Variants in SPRY3 observed in about 807,000 individuals in gnomAD.
SPRY3 encodes the protein sprouty RTK signaling antagonist 3.
SPRY3 carries 15 observed loss-of-function variants against 20.2 expected under a neutral mutation model. The observed-to-expected ratio is 0.74, with a 90% confidence interval of 0.50 to 1.14. The LOEUF is 1.14. Among genes scored for constraint, SPRY3 ranks in the 50% most tolerant of loss-of-function variants. The probability of loss-of-function intolerance (pLI) is 0.00; values close to 1 mark genes in which losing one functional copy is unlikely to be tolerated. For synonymous variants in SPRY3, 143 were observed against 136.5 expected, an observed-to-expected ratio of 1.05 and a Z score of -0.33; for missense variants, 364 against 363.9, an observed-to-expected ratio of 1.00 and a Z score of 0.00.
chrX:155,703,981 A>G (rs2090929804), intron 2 of SPRY3, among the ~76,000 whole-genome samples: 1 of 151,906 alleles, frequency 6.6e-6, no homozygotes, highest in Non-Finnish European at 1.5e-5. Context: ...CCTAACTACT[A>G]ACTGTAATAA....
At chrX:155,619,278 A>AAAGGCT (rs1486054896) in intron 1 of SPRY3, among the ~76,000 whole-genome samples, 1 of 109,431 alleles carries the variant, frequency 9.1e-6, no homozygotes, top group African/African-American at 3.4e-5. Flanking sequence ...CTATTGCTTG[A>AAAGGCT]AAGGCTATCC....
intron 2 of SPRY3, among the ~76,000 whole-genome samples, chrX:155,722,333 C>T (rs2091064949): frequency 6.6e-6 from 1 of 152,026 alleles, no homozygotes; most frequent in Admixed American, 6.5e-5. Context: ...ACCAGCCTGG[C>T]CACAGGGTGA....
chrX:155,645,382 A>G (rs962302296), intron 1 of SPRY3, among the ~76,000 whole-genome samples: 5 of 111,675 alleles, frequency 4.5e-5, no homozygotes, highest in Admixed American at 1.9e-4. Flanking sequence ...ACTAGGAGTC[A>G]CCTAGGAGTT....
chrX:155,745,778 A>T (rs2091222624), intron 2 of SPRY3, among the ~76,000 whole-genome samples: 2 of 152,060 alleles, frequency 1.3e-5, no homozygotes, highest in South Asian at 4.1e-4. Flanking sequence ...TAAGCACCGA[A>T]TATACATTAG....
intron 2 of SPRY3, among the ~76,000 whole-genome samples, chrX:155,684,520 T>C (rs2068082346): frequency 8.9e-6 from 1 of 112,106 alleles, no homozygotes. Context: ...TACCACCATA[T>C]AGATTCCTTT....
At chrX:155,696,701 A>G (rs1298149555) in intron 2 of SPRY3, among the ~76,000 whole-genome samples, 1 of 111,327 alleles carries the variant, frequency 9.0e-6, no homozygotes, top group Non-Finnish European at 1.9e-5. Context: ...CACCACTAAC[A>G]AAACCAGAAC....
At chrX:155,672,630 G>C (rs1406268449) in intron 2 of SPRY3, among the ~76,000 whole-genome samples, 1 of 108,861 alleles carries the variant, frequency 9.2e-6, no homozygotes, top group Admixed American at 9.6e-5. Flanking sequence ...CTGTAAACTA[G>C]TTCAACCATT....
intron 1 of SPRY3, among the ~76,000 whole-genome samples, chrX:155,615,571 C>T (rs1557348785): frequency 1.8e-5 from 2 of 111,961 alleles, no homozygotes; most frequent in Non-Finnish European, 3.8e-5. Flanking sequence ...ATATTCTGGA[C>T]ACAGTGCAAT....
chrX:155,675,768 G>C (rs2068057334), intron 2 of SPRY3, among the ~76,000 whole-genome samples: 1 of 111,662 alleles, frequency 9.0e-6, no homozygotes, highest in South Asian at 3.7e-4. Flanking sequence ...ATTATGCTTA[G>C]GAGAAAAGAA....
intron 2 of SPRY3, among the ~76,000 whole-genome samples, chrX:155,735,952 T>C (rs965697135): frequency 1.3e-5 from 2 of 151,984 alleles, no homozygotes; most frequent in African/African-American, 4.8e-5. Flanking sequence ...CAATGTTCTC[T>C]TTTCTCTTAG....
At chrX:155,759,026 C>A (rs2091293970) in intron 2 of SPRY3, among the ~76,000 whole-genome samples, 1 of 150,248 alleles carries the variant, frequency 6.7e-6, no homozygotes, top group Non-Finnish European at 1.5e-5. Flanking sequence ...ATCTTTATAT[C>A]TTTGTGCATG....
chrX:155,700,299 G>A (rs1341567992), intron 2 of SPRY3, among the ~76,000 whole-genome samples: 3 of 108,746 alleles, frequency 2.8e-5, no homozygotes, highest in Non-Finnish European at 3.8e-5. Context: ...AACAAGTGTT[G>A]TTGAGGATAT....
At chrX:155,630,539 G>A (rs1374451745) in intron 1 of SPRY3, among the ~76,000 whole-genome samples, 4 of 111,606 alleles carry the variant, frequency 3.6e-5, no homozygotes, top group African/African-American at 1.3e-4. Context: ...TCAGCATTTT[G>A]AATATATCAT....
intron 2 of SPRY3, among the ~76,000 whole-genome samples, chrX:155,751,924 GAAATAAAATAAAATAAAATA>G (rs530878002): frequency 0.33 from 39,945 of 121,530 alleles, 5,930 homozygotes; most frequent in South Asian, 0.47. Context: ...CAAGGGAAGG[GAAATAAAATAAAATAAAATA>G]AAATAAAATA....
rs551947794 is a variant in SPRY3 at position 155,731,675 on chromosome X, C to T, written c.-281-36287C>T. 2.8e-4 allele frequency among the ~76,000 whole-genome samples: 42 copies of T among 152,026 alleles called. No individual in the cohort carries two copies. The South Asian group carries it at 8.5e-3, about 31-fold the overall frequency. On this transcript the variant is annotated intron_variant, in intron 2 of 3. Coordinates refer to ENST00000675360, the Ensembl canonical transcript of SPRY3. ...GACAAATGGGATCATATCAAGTTAA[C>T]AAGCTTCTGCACAGCAAAGGAAACA... is the stretch of plus-strand genomic sequence containing the variant.
chrX:155,754,438 A>G (rs1356759474), intron 2 of SPRY3, among the ~76,000 whole-genome samples: 2 of 152,040 alleles, frequency 1.3e-5, no homozygotes, highest in Admixed American at 6.6e-5. Context: ...CAATTATATT[A>G]CATTTGACTA....
intron 2 of SPRY3, among the ~76,000 whole-genome samples, chrX:155,708,897 C>T (rs1046153872): frequency 5.9e-5 from 9 of 151,340 alleles, no homozygotes; most frequent in African/African-American, 1.9e-4. Context: ...TCCCTATTAA[C>T]GACTACAATT....
At chrX:155,623,616 G>C (rs1557349640) in intron 1 of SPRY3, among the ~76,000 whole-genome samples, 3 of 111,954 alleles carry the variant, frequency 2.7e-5, no homozygotes. Flanking sequence ...ATCTGATGCT[G>C]TTTTTGTCTT....
chrX:155,694,462 G>A (rs2068112649), intron 2 of SPRY3, among the ~76,000 whole-genome samples: 1 of 111,283 alleles, frequency 9.0e-6, no homozygotes, highest in East Asian at 2.8e-4. Context: ...AGTGGTCCCA[G>A]TCCTTTTGGC....
Sources: allele counts gnomAD v4.1 joint callset (sites outside exome capture counted in the v4.1 genomes callset), GRCh38; gene constraint gnomAD v4.1.1; transcripts MANE v1.5; gene names NCBI Gene and HGNC (gene_info 2026-07-23, HGNC 2026-07-21).